PRR16: variants seen among roughly 807,000 people sequenced by gnomAD.
PRR16 encodes proline rich 16.
Under a neutral mutation model 18.2 loss-of-function variants are expected in PRR16, and 6 were observed. That is an observed-to-expected ratio of 0.33 (90% CI 0.18 to 0.65). The LOEUF (loss-of-function observed/expected upper bound fraction) is 0.65, where lower values mean the gene tolerates loss of function less well. Ranked by LOEUF, PRR16 falls within the 30% of genes least tolerant of loss-of-function variation. The probability of loss-of-function intolerance (pLI) is 0.74; values close to 1 mark genes in which losing one functional copy is unlikely to be tolerated. For missense variants in PRR16, 412 were observed against 376.6 expected, an observed-to-expected ratio of 1.09 and a Z score of -0.78; for synonymous variants, 151 against 147.8, an observed-to-expected ratio of 1.02 and a Z score of -0.16.
the PRR16 span, among the ~76,000 whole-genome samples, chr5:120,724,922 AAAAAAT>A: frequency 6.6e-6 from 1 of 152,064 alleles, no homozygotes; most frequent in Non-Finnish European, 1.5e-5. Context: ...TGAAAATTAA[AAAAAAT>A]ATATATAGTA....
the PRR16 span, among the ~76,000 whole-genome samples, chr5:120,753,078 T>G: frequency 7.2e-5 from 11 of 151,918 alleles, no homozygotes; most frequent in African/African-American, 1.9e-4. Context: ...ATGACTTTGG[T>G]TTTGAGCAGA....
At chr5:120,667,305 C>G (rs963747821) in intron 1 of PRR16, among the ~76,000 whole-genome samples, 1 of 150,120 alleles carries the variant, frequency 6.7e-6, no homozygotes, top group Non-Finnish European at 1.5e-5. Flanking sequence ...GTGATATCCC[C>G]TTTATCATTT....
chr5:120,499,471 GGAT>G (rs933153313), intron 1 of PRR16, among the ~76,000 whole-genome samples: 1 of 151,866 alleles, frequency 6.6e-6, no homozygotes, highest in African/African-American at 2.4e-5. Context: ...TGTTCACATT[GGAT>G]GATTTCTACT....
At chr5:120,481,154 ATT>A (rs55765526) in intron 1 of PRR16, 708 of 977,260 alleles carry the variant, frequency 7.2e-4, no homozygotes, top group Admixed American at 1.7e-3. Flanking sequence ...ATCTTATTTT[ATT>A]TTTTTTTTGG....
At chr5:120,618,614 G>C in intron 1 of PRR16, 2 of 859,048 alleles carry the variant, frequency 2.3e-6, no homozygotes, top group African/African-American at 3.7e-5. Flanking sequence ...GACAAAAAAG[G>C]TATACTGAAA....
At chr5:120,661,216 T>C (rs528992892) in intron 1 of PRR16, among the ~76,000 whole-genome samples, 17 of 152,250 alleles carry the variant, frequency 1.1e-4, no homozygotes, top group African/African-American at 3.8e-4. Context: ...CTTTACACTT[T>C]ACAGCAACCA....
chr5:120,756,320 G>C, the PRR16 span, among the ~76,000 whole-genome samples: 3 of 152,202 alleles, frequency 2.0e-5, no homozygotes, highest in South Asian at 6.2e-4. Flanking sequence ...TTTTGATTTA[G>C]TTGTAGGAAG....
At chr5:120,665,613 C>G in intron 1 of PRR16, among the ~76,000 whole-genome samples, 1 of 152,028 alleles carries the variant, frequency 6.6e-6, no homozygotes, top group Non-Finnish European at 1.5e-5. Flanking sequence ...AGTCTTTAAT[C>G]CATCTCGAAT....
chr5:120,705,455 A>T, the PRR16 span, among the ~76,000 whole-genome samples: 3 of 152,038 alleles, frequency 2.0e-5, no homozygotes, highest in Non-Finnish European at 2.9e-5. Context: ...TTAAACTTTT[A>T]TTCTAAGGAA....
chr5:120,491,824 G>A (rs7733397), intron 1 of PRR16, among the ~76,000 whole-genome samples: 29,630 of 152,086 alleles, frequency 0.19, 3,103 homozygotes, highest in African/African-American at 0.25. Flanking sequence ...GATTACAGGC[G>A]TGATCCACTG....
At chr5:120,554,921 A>G (rs1009771331) in intron 1 of PRR16, among the ~76,000 whole-genome samples, 5 of 151,916 alleles carry the variant, frequency 3.3e-5, no homozygotes, top group African/African-American at 1.2e-4. Context: ...CATTCCAGTA[A>G]GGGGAAGGCA....
intron 1 of PRR16, among the ~76,000 whole-genome samples, chr5:120,619,479 G>A (rs967731081): frequency 1.3e-5 from 2 of 152,042 alleles, no homozygotes; most frequent in Admixed American, 1.3e-4. Flanking sequence ...ACCATTTAAT[G>A]TTACTATTGA....
At chr5:120,628,779 A>T (rs1396281938) in intron 1 of PRR16, among the ~76,000 whole-genome samples, 1 of 151,798 alleles carries the variant, frequency 6.6e-6, no homozygotes, top group African/African-American at 2.4e-5. Context: ...TCTAACAGTA[A>T]GCATCTTAAG....
At chr5:120,576,402 G>C (rs943876581) in intron 1 of PRR16, among the ~76,000 whole-genome samples, 10 of 152,054 alleles carry the variant, frequency 6.6e-5, no homozygotes, top group African/African-American at 2.4e-4. Context: ...TGACCAACAA[G>C]TATATGAAAA....
At chr5:120,719,323 T>G in the PRR16 span, among the ~76,000 whole-genome samples, 1 of 152,050 alleles carries the variant, frequency 6.6e-6, no homozygotes, top group Non-Finnish European at 1.5e-5. Context: ...CATTTTTGGT[T>G]TGATTGTGTG....
At chr5:120,573,073 C>G (rs1056732695) in intron 1 of PRR16, among the ~76,000 whole-genome samples, 5 of 152,058 alleles carry the variant, frequency 3.3e-5, no homozygotes, top group African/African-American at 1.2e-4. Context: ...AAATGAAACA[C>G]CAATATTCTC....
intron 1 of PRR16, among the ~76,000 whole-genome samples, chr5:120,521,890 C>T (rs2112653328): frequency 6.6e-6 from 1 of 152,196 alleles, no homozygotes; most frequent in South Asian, 2.1e-4. Flanking sequence ...TCTCATTGTT[C>T]AATTCCCACC....
At chr5:120,701,673 T>G in the PRR16 span, among the ~76,000 whole-genome samples, 1 of 151,926 alleles carries the variant, frequency 6.6e-6, no homozygotes, top group African/African-American at 2.4e-5. Context: ...AGAGGTCAGA[T>G]GGGTCTGTAG....
chr5:120,483,334 A>T (rs1749683305), intron 1 of PRR16, among the ~76,000 whole-genome samples: 2 of 152,190 alleles, frequency 1.3e-5, no homozygotes, highest in Admixed American at 1.3e-4. Flanking sequence ...GATGAAAAAA[A>T]ATCAGTTTGG....
Sources: allele counts gnomAD v4.1 joint callset (sites outside exome capture counted in the v4.1 genomes callset), GRCh38; gene constraint gnomAD v4.1.1; transcripts MANE v1.5; gene names NCBI Gene and HGNC (gene_info 2026-07-23, HGNC 2026-07-21).